The following FLT1 variants were observed in gnomAD, a reference collection of about 807,000 sequenced individuals.
The protein encoded by FLT1 is fms related receptor tyrosine kinase 1.
In FLT1, 49 loss-of-function variants were observed where a neutral mutation model predicts 156.3. The observed-to-expected ratio is 0.31, with a 90% CI of 0.25 to 0.40. The LOEUF (loss-of-function observed/expected upper bound fraction) is 0.40. Among genes scored for constraint, FLT1 ranks in the 10% least tolerant of loss-of-function variants. The pLI is 1.00. For missense variants in FLT1, 1,322 were observed against 1,637.2 expected (o/e 0.81, Z 3.32); for synonymous variants, 594 against 583.8 (o/e 1.02, Z -0.25).
At chr13:28,331,342 C>G (rs1323841665) in intron 18 of FLT1, among the ~76,000 whole-genome samples, 10 of 152,248 alleles carry the variant, frequency 6.6e-5, no homozygotes, top group Admixed American at 2.6e-4. Flanking sequence ...TTACTCTTCT[C>G]ATTTCAGGCA....
At chr13:28,406,621 A>G (rs1231203992) in intron 10 of FLT1, among the ~76,000 whole-genome samples, 1 of 109,796 alleles carries the variant, frequency 9.1e-6, no homozygotes, top group Non-Finnish European at 1.9e-5. Flanking sequence ...TTAAACCAAG[A>G]GGAATTTTAT....
At chr13:28,483,965 G>A (rs117294473) in intron 1 of FLT1, among the ~76,000 whole-genome samples, 1,595 of 152,308 alleles carry the variant, frequency 0.01, 67 homozygotes, top group Admixed American at 0.064. Flanking sequence ...TTTGAATCTT[G>A]GCTTGGCTGT....
In FLT1 at chr13:28,427,262, G is replaced by C. The variant is rs1469456462; in HGVS notation, c.1333C>G (p.Pro445Ala). ...GTCAGGATTTGTCTGCTGCCCAGTGGGTAGAGAGCCGGGTCTGGAAACGAT... is the reference window on the plus strand; with the variant it reads ...GTCAGGATTTGTCTGCTGCCCAGTGCGTAGAGAGCCGGGTCTGGAAACGAT... ...VSSFPDPALY[P>A]LGSRQILTCT... Residue 445 changes from proline to alanine, a missense_variant, in exon 10 of 30, where the codon CCA (proline) becomes GCA (alanine). By Grantham distance (27) the Pro-to-Ala change is conservative (BLOSUM62 -1). Around this residue, in one of 3 missense-constraint regions of FLT1, gnomAD observed 991 missense variants for 1,254.8 expected, o/e 0.79. Coordinates refer to ENST00000282397, the MANE Select transcript of FLT1 (RefSeq NM_002019.4). 6.2e-7 allele frequency: 1 copy of C among 1,613,954 alleles called. No homozygotes were observed. Among genetic ancestry groups the C allele is most frequent in the Admixed American group, 1.7e-5 (1 of 60,016 alleles).
At chr13:28,476,395 T>G (rs181815131) in intron 1 of FLT1, among the ~76,000 whole-genome samples, 1 of 152,298 alleles carries the variant, frequency 6.6e-6, no homozygotes, top group African/African-American at 2.4e-5. Flanking sequence ...ATTTGTGACT[T>G]TTACATGGGC....
chr13:28,320,893 G>A (rs2138829221), intron 23 of FLT1, among the ~76,000 whole-genome samples: 1 of 152,226 alleles, frequency 6.6e-6, no homozygotes, highest in Non-Finnish European at 1.5e-5. Context: ...GGGAGGACAT[G>A]GGAGGTCATC....
At chr13:28,415,422 A>G (rs946541990) in intron 10 of FLT1, among the ~76,000 whole-genome samples, 9 of 152,180 alleles carry the variant, frequency 5.9e-5, no homozygotes, top group African/African-American at 2.2e-4. Flanking sequence ...CAGAGGTTGC[A>G]GTGAGCCAAG....
At chr13:28,484,446 C>T (rs983697507) in intron 1 of FLT1, among the ~76,000 whole-genome samples, 1 of 152,184 alleles carries the variant, frequency 6.6e-6, no homozygotes, top group African/African-American at 2.4e-5. Flanking sequence ...AGTTTGGAAG[C>T]CCACATAAAA....
chr13:28,486,775 TG>T (rs1881192891), intron 1 of FLT1, among the ~76,000 whole-genome samples: 1 of 152,264 alleles, frequency 6.6e-6, no homozygotes, highest in Admixed American at 6.5e-5. Context: ...ATACTCTTCC[TG>T]GCAGGAATTC....
intron 1 of FLT1, among the ~76,000 whole-genome samples, chr13:28,477,946 C>T (rs1880642042): frequency 6.6e-6 from 1 of 152,188 alleles, no homozygotes; most frequent in Non-Finnish European, 1.5e-5. Flanking sequence ...TAAACACACT[C>T]AATGTATGTG....
chr13:28,422,845 C>T (rs1877090455), intron 10 of FLT1, among the ~76,000 whole-genome samples: 2 of 152,304 alleles, frequency 1.3e-5, no homozygotes, highest in South Asian at 4.1e-4. Context: ...ACTGATTATG[C>T]CAAGACTGTC....
At chr13:28,430,013 A>G (rs1877580167) in intron 8 of FLT1, 37 bp downstream of exon 8, 2 of 1,327,698 alleles carry the variant, frequency 1.5e-6, no homozygotes, top group East Asian at 2.3e-5. Flanking sequence ...CTTACAAAGT[A>G]TGTCTTAAAC....
intron 1 of FLT1, among the ~76,000 whole-genome samples, chr13:28,484,294 T>A (rs628065): frequency 1.3e-5 from 2 of 152,220 alleles, no homozygotes; most frequent in Non-Finnish European, 2.9e-5. Flanking sequence ...GGAGCCCACG[T>A]TGGATTCCTG....
intron 14 of FLT1, among the ~76,000 whole-genome samples, chr13:28,377,128 C>G (rs1237429007): frequency 1.3e-5 from 2 of 152,174 alleles, no homozygotes; most frequent in East Asian, 3.9e-4. Context: ...TTCACTTCAG[C>G]TTGTCTACTC....
intron 1 of FLT1, among the ~76,000 whole-genome samples, chr13:28,485,611 C>G (rs138169858): frequency 1.3e-4 from 20 of 152,252 alleles, no homozygotes; most frequent in African/African-American, 4.1e-4. Context: ...TGAAGTGTTA[C>G]ACAATGGTGT....
At chr13:28,482,862 A>T (rs1400139503) in intron 1 of FLT1, among the ~76,000 whole-genome samples, 1 of 152,232 alleles carries the variant, frequency 6.6e-6, no homozygotes, top group East Asian at 1.9e-4. Context: ...GACTTTGCGT[A>T]GCGAATACTT....
At position 28,397,020 on chromosome 13, in the gene FLT1, T is replaced by C. The variant is rs1593743974; in HGVS notation, c.1600A>G (p.Ile534Val). ...VADSRISGIY[I>V]CIASNKVGTV... is the part of the protein sequence containing the mutation. The stretch of plus-strand genomic sequence containing the variant: ...CCAACTTTATTGGAAGCTATGCAAA[T>C]GTAGATTCCAGAAATTCTAGAGTCA... Residue 534 changes from isoleucine (I) to valine (V), a missense_variant, in exon 12 of 30, where the codon ATT (isoleucine) becomes GTT (valine). By Grantham distance (29) the Ile-to-Val change is conservative (BLOSUM62 3). Coordinates refer to ENST00000282397, the MANE Select transcript of FLT1 (RefSeq NM_002019.4). 6.2e-7 allele frequency: 1 copy of C among 1,613,962 alleles called. No individual in the cohort carries two copies. Among genetic ancestry groups the C allele is most frequent in the African/African-American group, 1.3e-5 (1 of 75,052 alleles).
At chr13:28,388,723 A>G (rs1420600418) in intron 13 of FLT1, 1 of 1,057,668 alleles carries the variant, frequency 9.5e-7, no homozygotes, top group African/African-American at 1.6e-5. Context: ...TAAAGGGCAA[A>G]TTTTAAATTT....
At chr13:28,348,763 G>T (rs577272133) in intron 15 of FLT1, among the ~76,000 whole-genome samples, 1 of 152,284 alleles carries the variant, frequency 6.6e-6, no homozygotes, top group East Asian at 1.9e-4. Flanking sequence ...CAAAAAATTA[G>T]CTGGGCATGG....
intron 19 of FLT1, among the ~76,000 whole-genome samples, chr13:28,327,756 C>CAAAAAAAAAAAAAA (rs56031277): frequency 2.6e-4 from 32 of 122,762 alleles, no homozygotes; most frequent in African/African-American, 9.4e-4. Flanking sequence ...AATTGAAATA[C>CAAAAAAAAAAAAAA]AAAAAAAAAA....
Sources: allele counts gnomAD v4.1 joint callset (sites outside exome capture counted in the v4.1 genomes callset), GRCh38; gene constraint gnomAD v4.1.1; regional missense constraint gnomAD v4.1.1; transcripts MANE v1.5; gene names NCBI Gene and HGNC (gene_info 2026-07-23, HGNC 2026-07-21).